The following BAZ2B variants were observed in gnomAD, a reference collection of about 807,000 sequenced individuals.
BAZ2B encodes the protein bromodomain adjacent to zinc finger domain protein 2B.
A neutral mutation model predicts 246.0 loss-of-function variants in BAZ2B; 91 were observed. That is an observed-to-expected ratio of 0.37 (90% confidence interval 0.31 to 0.44). The LOEUF is 0.44. Among genes scored for constraint, BAZ2B ranks in the 20% least tolerant of loss-of-function variants. BAZ2B has a pLI of 1.00. For missense variants in BAZ2B, 2,332 were observed against 2,533.7 expected (o/e 0.92, Z 1.71); for synonymous variants, 855 against 860.0 (o/e 0.99, Z 0.10).
intron 1 of BAZ2B, among the ~76,000 whole-genome samples, chr2:159,564,821 G>A (rs2090207121): frequency 6.6e-6 from 1 of 152,174 alleles, no homozygotes; most frequent in Admixed American, 6.5e-5. Flanking sequence ...GACAAATGCT[G>A]CCGGGAAAAC....
intron 1 of BAZ2B, among the ~76,000 whole-genome samples, chr2:159,596,222 A>C (rs1239109408): frequency 6.6e-6 from 1 of 152,204 alleles, no homozygotes; most frequent in Non-Finnish European, 1.5e-5. Context: ...CATTGTACAT[A>C]GGTTGTAAGT....
the BAZ2B span, among the ~76,000 whole-genome samples, chr2:159,657,855 G>A: frequency 5.0e-4 from 76 of 152,098 alleles, no homozygotes; most frequent in Non-Finnish European, 6.5e-4. Flanking sequence ...AGATTTTTTG[G>A]TTGATTCTTT....
chr2:159,367,153 T>C (rs1462017420), intron 27 of BAZ2B, among the ~76,000 whole-genome samples: 3 of 152,182 alleles, frequency 2.0e-5, no homozygotes, highest in African/African-American at 7.2e-5. Context: ...GAGATATATG[T>C]TGTTTCTTAG....
chr2:159,429,240 CTCT>C lies in BAZ2B; in HGVS notation c.2212_2214del (p.Arg738del), dbSNP rs750039418. The C allele has an allele frequency of 7.7e-6, 12 of 1,549,302 alleles. No individual in the cohort carries two copies. Among genetic ancestry groups the C allele is most frequent in the South Asian group, 1.3e-5 (1 of 77,172 alleles). On this transcript the variant is annotated inframe_deletion, in exon 11 of 37. Coordinates refer to ENST00000392783, the MANE Select transcript of BAZ2B (RefSeq NM_013450.4). ...ATACGCAGTTCACGTTCATCTGTTA[CTCT>C]TCTTCTTTTGGAAGTGCCTTTAAAA...
At chr2:159,677,724 A>T in the BAZ2B span, among the ~76,000 whole-genome samples, 1 of 152,208 alleles carries the variant, frequency 6.6e-6, no homozygotes, top group Non-Finnish European at 1.5e-5. Flanking sequence ...AGCATAGAGG[A>T]CTTCATTCTT....
At chr2:159,588,043 A>G (rs1688443497) in intron 1 of BAZ2B, among the ~76,000 whole-genome samples, 2 of 151,936 alleles carry the variant, frequency 1.3e-5, no homozygotes, top group African/African-American at 4.8e-5. Context: ...AAATTACACA[A>G]ATTGGCCGAA....
In BAZ2B at chr2:159,412,371, C is replaced by A. The variant is rs760907722; in HGVS notation, c.2641G>T (p.Ala881Ser). 6.2e-7 allele frequency: 1 copy of A among 1,614,116 alleles called. No individual in the cohort carries two copies. The highest frequency in any genetic ancestry group is 8.5e-7 in the Non-Finnish European group (1 of 1,180,010). ...NVGNAEFLDN[A>S]DAKLLRKLQA... ...AGTTTTCTTAGCAACTTTGCATCTG[C>A]GTTATCTAGGAATTCAGCATTGCCA... The change falls in exon 14 of 37, where the codon GCA becomes TCA. Residue 881 changes from alanine to serine, a missense_variant. By Grantham distance (99) the Ala-to-Ser change is moderately conservative. Transcript: ENST00000392783.
chr2:159,583,592 C>T (rs185448164), intron 1 of BAZ2B, among the ~76,000 whole-genome samples: 3 of 152,118 alleles, frequency 2.0e-5, no homozygotes, highest in African/African-American at 7.2e-5. Flanking sequence ...TCCATAAAAA[C>T]GTATGTAGTG....
At chr2:159,579,403 T>C (rs1686162779) in intron 1 of BAZ2B, among the ~76,000 whole-genome samples, 1 of 152,146 alleles carries the variant, frequency 6.6e-6, no homozygotes, top group Non-Finnish European at 1.5e-5. Context: ...AATAGATCAA[T>C]AACAAGCTCT....
At chr2:159,336,478 C>T (rs1269516382) in intron 33 of BAZ2B, among the ~76,000 whole-genome samples, 1 of 152,180 alleles carries the variant, frequency 6.6e-6, no homozygotes, top group Admixed American at 6.5e-5. Flanking sequence ...ATGCCAAATA[C>T]ATGATATAAG....
the BAZ2B span, among the ~76,000 whole-genome samples, chr2:159,669,888 T>C: frequency 6.6e-6 from 1 of 152,200 alleles, no homozygotes; most frequent in Non-Finnish European, 1.5e-5. Context: ...GTGATTATTG[T>C]TATCACTGAA....
At chr2:159,563,523 T>C (rs2151513172) in intron 1 of BAZ2B, among the ~76,000 whole-genome samples, 1 of 152,236 alleles carries the variant, frequency 6.6e-6, no homozygotes, top group African/African-American at 2.4e-5. Context: ...AGCAACAACA[T>C]GGATGAACCT....
intron 34 of BAZ2B, among the ~76,000 whole-genome samples, chr2:159,329,854 A>G (rs2064406075): frequency 6.6e-6 from 1 of 152,210 alleles, no homozygotes; most frequent in Non-Finnish European, 1.5e-5. Context: ...GTAGATAGCT[A>G]GGATACTAAT....
intron 1 of BAZ2B, among the ~76,000 whole-genome samples, chr2:159,614,135 C>T (rs968393012): frequency 2.6e-5 from 4 of 152,092 alleles, no homozygotes; most frequent in African/African-American, 9.7e-5. Flanking sequence ...GACAGAATTC[C>T]ACTTTCCCAT....
chr2:159,554,318 C>T (rs1206567159), intron 2 of BAZ2B, among the ~76,000 whole-genome samples: 3 of 152,026 alleles, frequency 2.0e-5, no homozygotes, highest in Non-Finnish European at 4.4e-5. Context: ...CTAATGTTAA[C>T]TTCCTTGATT....
At chr2:159,580,887 C>G (rs1366654803) in intron 1 of BAZ2B, among the ~76,000 whole-genome samples, 2 of 152,088 alleles carry the variant, frequency 1.3e-5, no homozygotes, top group Non-Finnish European at 2.9e-5. Flanking sequence ...AAACTGGATC[C>G]CTTCCTCACA....
chr2:159,632,671 A>G, the BAZ2B span, among the ~76,000 whole-genome samples: 1 of 152,234 alleles, frequency 6.6e-6, no homozygotes, highest in East Asian at 1.9e-4. Flanking sequence ...AATGTGGGCT[A>G]TAATTTAATG....
intron 26 of BAZ2B, 144 bp downstream of exon 26, chr2:159,374,547 G>C (rs1336418074): frequency 1.5e-6 from 1 of 645,362 alleles, no homozygotes; most frequent in African/African-American, 1.9e-5. Flanking sequence ...TTTTTTTTCT[G>C]ACAAAAATGC....
At chr2:159,644,321 T>C in the BAZ2B span, among the ~76,000 whole-genome samples, 5 of 152,314 alleles carry the variant, frequency 3.3e-5, no homozygotes, top group East Asian at 9.7e-4. Context: ...CTCTAAAACC[T>C]AGTAAGAAAA....
Sources: allele counts gnomAD v4.1 joint callset (sites outside exome capture counted in the v4.1 genomes callset), GRCh38; gene constraint gnomAD v4.1.1; transcripts MANE v1.5; gene names NCBI Gene and HGNC (gene_info 2026-07-23, HGNC 2026-07-21).